NRCAM: variants seen among roughly 807,000 people sequenced by gnomAD.
NRCAM encodes NgCAM-related cell adhesion molecule.
In NRCAM, 83 loss-of-function variants were observed where a neutral mutation model predicts 156.5. The observed-to-expected ratio is 0.53, with a 90% CI of 0.44 to 0.64. The LOEUF (loss-of-function observed/expected upper bound fraction) is 0.64. Among genes scored for constraint, NRCAM ranks in the 30% least tolerant of loss-of-function variants. The pLI is 0.00. For synonymous variants in NRCAM, 538 were observed against 563.9 expected (o/e 0.95, Z 0.65); for missense variants, 1,417 against 1,597.3 (o/e 0.89, Z 1.92).
chr7:108,244,831 C>G (rs1211740857), intron 3 of NRCAM, among the ~76,000 whole-genome samples: 3 of 152,066 alleles, frequency 2.0e-5, no homozygotes, highest in African/African-American at 7.2e-5. Flanking sequence ...GGTTTTTACC[C>G]CAATAACAGA....
At chr7:108,177,624 A>AATATATATATATATATAT (rs59391934) in intron 26 of NRCAM, among the ~76,000 whole-genome samples, 2 of 80,602 alleles carry the variant, frequency 2.5e-5, no homozygotes, top group African/African-American at 7.0e-5. Context: ...CTCCATCTCA[A>AATATATATATATATATAT]ATATATATAT....
At chr7:108,355,154 AT>A (rs1463769633) in intron 2 of NRCAM, among the ~76,000 whole-genome samples, 1 of 152,166 alleles carries the variant, frequency 6.6e-6, no homozygotes, top group African/African-American at 2.4e-5. Flanking sequence ...GTCCCATGTA[AT>A]TTTTCCATGA....
At position 108,188,327 on chromosome 7, in the gene NRCAM, T is replaced by C. The variant is rs577457533; in HGVS notation, c.2035+1318A>G. 2.0e-5 allele frequency among the ~76,000 whole-genome samples: 3 copies of C among 152,244 alleles called. No individual in the cohort carries two copies. The East Asian group carries it at 5.8e-4, about 29-fold the overall frequency. On this transcript the variant is annotated intron_variant, in intron 20 of 32. Transcript: ENST00000379028. Reference sequence around the variant, plus strand: ...GAGAAGGAGAAGCAGATGGAGGCTGTGGGTTAACACTCCTTACAGCAGGTT... The same window carrying C: ...GAGAAGGAGAAGCAGATGGAGGCTGCGGGTTAACACTCCTTACAGCAGGTT...
chr7:108,303,827 C>T (rs1188025126), intron 3 of NRCAM, among the ~76,000 whole-genome samples: 1 of 152,140 alleles, frequency 6.6e-6, no homozygotes, highest in Non-Finnish European at 1.5e-5. Context: ...AGAGTTGCTA[C>T]ATTTACCTTT....
intron 3 of NRCAM, among the ~76,000 whole-genome samples, chr7:108,249,434 CA>C (rs2096196019): frequency 6.6e-6 from 1 of 152,194 alleles, no homozygotes; most frequent in Admixed American, 6.5e-5. Flanking sequence ...AACAGCAAAA[CA>C]GCAGAGTAAT....
In NRCAM at chr7:108,268,706, C is replaced by T. The variant is rs1264141931; in HGVS notation, c.-106-28536G>A. ...CTTTTGCTTTTAAAATATATGACCA[C>T]ATTCTCTAGAGGATTGTTCTACAGT... On this transcript the variant is annotated intron_variant, in intron 3 of 32. Transcript: ENST00000379028. Among the ~76,000 whole-genome samples, 6 of 151,234 alleles carry T rather than the reference C, an allele frequency of 4.0e-5. No individual in the cohort carries two copies. The East Asian group carries it at 1.2e-3, about 30-fold the overall frequency.
chr7:108,433,454 A>G (rs1334764141), intron 1 of NRCAM, among the ~76,000 whole-genome samples: 1 of 152,194 alleles, frequency 6.6e-6, no homozygotes, highest in Non-Finnish European at 1.5e-5. Context: ...CTGAGAGATT[A>G]TTAGACATGA....
intron 13 of NRCAM, among the ~76,000 whole-genome samples, chr7:108,203,989 T>C (rs1021548449): frequency 7.2e-5 from 11 of 152,108 alleles, no homozygotes; most frequent in African/African-American, 2.7e-4. Flanking sequence ...GTTCCTACCT[T>C]CACCTCTCTG....
chr7:108,371,236 G>C (rs912556117), intron 2 of NRCAM, among the ~76,000 whole-genome samples: 2 of 152,150 alleles, frequency 1.3e-5, no homozygotes, highest in Non-Finnish European at 2.9e-5. Context: ...AAACACGTTA[G>C]TGTAACAGAG....
chr7:108,339,413 C>G lies in NRCAM; in HGVS notation c.-173-26682G>C, dbSNP rs554384690. Among the ~76,000 whole-genome samples, 135 of 152,312 alleles carry G rather than the reference C, an allele frequency of 8.9e-4. 2 individuals are homozygous for G. Among genetic ancestry groups the G allele is most frequent in the African/African-American group, 3.1e-3 (129 of 41,556 alleles). On this transcript the variant is annotated intron_variant, in intron 2 of 32. Coordinates refer to ENST00000379028, the MANE Select transcript of NRCAM (RefSeq NM_001037132.4). Reference sequence around the variant, plus strand: ...CAAAAAGATTATCTCAATCCTGACTCAAAAGGTTACCTACACCCTCTGTGA... The same window carrying G: ...CAAAAAGATTATCTCAATCCTGACTGAAAAGGTTACCTACACCCTCTGTGA...
chr7:108,253,404 T>C (rs2096471151), intron 3 of NRCAM, among the ~76,000 whole-genome samples: 1 of 152,126 alleles, frequency 6.6e-6, no homozygotes, highest in South Asian at 2.1e-4. Context: ...TACCTTGCCC[T>C]GGAAGAGTAA....
chr7:108,291,085 T>C (rs1318468769), intron 3 of NRCAM, among the ~76,000 whole-genome samples: 2 of 152,116 alleles, frequency 1.3e-5, no homozygotes, highest in Non-Finnish European at 2.9e-5. Context: ...ATCTAGTCAC[T>C]CAGTCGTTGA....
chr7:108,295,786 G>C (rs983697143), intron 3 of NRCAM, among the ~76,000 whole-genome samples: 2 of 152,206 alleles, frequency 1.3e-5, no homozygotes, highest in African/African-American at 4.8e-5. Context: ...TTCATGAGTG[G>C]AGAACAGCAT....
At chr7:108,393,204 T>C (rs867558449) in intron 2 of NRCAM, among the ~76,000 whole-genome samples, 16 of 152,084 alleles carry the variant, frequency 1.1e-4, no homozygotes, top group African/African-American at 3.9e-4. Flanking sequence ...TGAGCTGAGG[T>C]GGACTCTACC....
intron 1 of NRCAM, among the ~76,000 whole-genome samples, chr7:108,419,982 T>C (rs1361785293): frequency 6.6e-6 from 1 of 152,148 alleles, no homozygotes; most frequent in East Asian, 1.9e-4. Flanking sequence ...CTTCTAGTTA[T>C]TTGGTAGCAA....
chr7:108,257,005 G>GAAAAAAAAAAAA, intron 3 of NRCAM, among the ~76,000 whole-genome samples: 1 of 49,972 alleles, frequency 2.0e-5, no homozygotes, highest in African/African-American at 6.5e-5. Context: ...GAAGACTGTC[G>GAAAAAAAAAAAA]AAAAAAAAAA....
At chr7:108,175,221 G>A in intron 28 of NRCAM, 101 bp downstream of exon 28, 3 of 856,216 alleles carry the variant, frequency 3.5e-6, no homozygotes, top group Admixed American at 6.2e-5. Flanking sequence ...TCTTTTGGTG[G>A]TTCAAAGCAT....
intron 3 of NRCAM, among the ~76,000 whole-genome samples, chr7:108,287,747 A>G (rs2098147374): frequency 6.6e-6 from 1 of 152,016 alleles, no homozygotes. Flanking sequence ...AAAAAAAAAG[A>G]AACGCTTATA....
At position 108,317,052 on chromosome 7, in the gene NRCAM, T is replaced by C. The variant is rs970817111; in HGVS notation, c.-173-4321A>G. ...TCCTATCTCTCCATTTCTGGCTGTA[T>C]GTCAATGCCAGTGTAACCTGAAAAG... On this transcript the variant is annotated intron_variant, in intron 2 of 32. Coordinates refer to ENST00000379028, the MANE Select transcript of NRCAM (RefSeq NM_001037132.4). 2.6e-5 allele frequency among the ~76,000 whole-genome samples: 4 copies of C among 152,220 alleles called. No homozygotes were observed. The East Asian group carries it at 5.8e-4, about 22-fold the overall frequency.
Sources: gnomAD v4.1 joint callset for allele counts (sites outside exome capture counted in the v4.1 genomes callset) on GRCh38, gnomAD v4.1.1 for gene constraint, MANE v1.5 for transcripts, NCBI Gene and HGNC (gene_info 2026-07-23, HGNC 2026-07-21) for gene names.